Variants in ACOX1 observed in about 807,000 individuals in gnomAD.
ACOX1 encodes the protein acyl-CoA oxidase 1.
Under a neutral mutation model 75.5 loss-of-function variants are expected in ACOX1, and 41 were observed. The ratio of observed to expected loss-of-function variants is 0.54; its 90% confidence interval spans 0.42 to 0.70. The LOEUF (loss-of-function observed/expected upper bound fraction) is 0.70. Ranked by LOEUF, ACOX1 falls within the 30% of genes least tolerant of loss-of-function variation. The probability of loss-of-function intolerance (pLI) is 0.00; values close to 1 mark genes in which losing one functional copy is unlikely to be tolerated. For missense variants in ACOX1, 630 were observed against 837.5 expected, an observed-to-expected ratio of 0.75 and a Z score of 3.06; for synonymous variants, 303 against 298.8, an observed-to-expected ratio of 1.01 and a Z score of -0.15.
Position 75,978,904 on chromosome 17 carries a change from G to C in ACOX1, c.109+61C>G, listed in dbSNP as rs2066086955. ...TAGGCCCCACAGCGCCCCTGACTCC[G>C]CATCGAGGGAGTCTCCAGCTTTTCT... On this transcript the variant is annotated intron_variant, in intron 1 of 13. Coordinates refer to ENST00000293217, the MANE Select transcript of ACOX1 (RefSeq NM_004035.7). The surrounding 1 kb of genome is among the most constrained non-coding windows in gnomAD (Gnocchi z 4.2). The C allele has an allele frequency of 6.2e-7, 1 of 1,602,640 alleles. No homozygotes were observed. The highest frequency in any genetic ancestry group is 1.3e-5 in the African/African-American group (1 of 74,738).
intron 7 of ACOX1, among the ~76,000 whole-genome samples, chr17:75,951,808 CTTTTTT>C (rs1029666749): frequency 1.3e-4 from 10 of 77,428 alleles, no homozygotes; most frequent in Non-Finnish European, 2.0e-4. Flanking sequence ...TAAATTGAGG[CTTTTTT>C]TTTTTTTTTT....
rs768835964 is a variant in ACOX1 at position 75,946,786 on chromosome 17, A to AT, written c.1944dup (p.Ser649IlefsTer73). 1 of 1,613,756 alleles carries AT rather than the reference A, an allele frequency of 6.2e-7. No individual in the cohort carries two copies. The highest frequency in any genetic ancestry group is 1.3e-5 in the African/African-American group (1 of 74,932). On this transcript the variant is annotated frameshift_variant, in exon 14 of 14. Transcript: ENST00000293217. LOFTEE classifies it high-confidence loss of function. Reference sequence around the variant, plus strand: ...TGCAGTGACTTCAGGTGCTTGTAAGATTCGTGGACCTGTGGGGAAAGGAGA... The same window carrying AT: ...TGCAGTGACTTCAGGTGCTTGTAAGATTTCGTGGACCTGTGGGGAAAGGAGA...
chr17:75,963,316 CT>C (rs928657649), intron 2 of ACOX1, among the ~76,000 whole-genome samples: 5 of 151,998 alleles, frequency 3.3e-5, no homozygotes, highest in South Asian at 2.1e-4. Flanking sequence ...CTTGTACCCC[CT>C]AAACCTATTT....
chr17:75,970,031 A>G (rs2092066031), intron 2 of ACOX1, among the ~76,000 whole-genome samples: 3 of 151,846 alleles, frequency 2.0e-5, no homozygotes, highest in Non-Finnish European at 4.4e-5. Context: ...CTAAAAATAT[A>G]AATATTAGCC....
At chr17:75,959,051 T>G (rs1306858368) in intron 3 of ACOX1, among the ~76,000 whole-genome samples, 1 of 152,128 alleles carries the variant, frequency 6.6e-6, no homozygotes, top group Non-Finnish European at 1.5e-5. Context: ...ATATCAAAAT[T>G]ATTTGAAAAG....
At chr17:75,953,715 G>T in intron 6 of ACOX1, 95 bp from the exon 7 acceptor site, 1 of 1,390,688 alleles carries the variant, frequency 7.2e-7, no homozygotes, top group Non-Finnish European at 1.0e-6. Flanking sequence ...AGCAGCATCA[G>T]CATCACCTGG....
chr17:75,953,262 A>G (rs2065790799), intron 7 of ACOX1, 189 bp downstream of exon 7: 3 of 592,664 alleles, frequency 5.1e-6, no homozygotes, highest in Admixed American at 5.5e-5. Context: ...TGATTATAGC[A>G]AGGGTGGTTA....
At chr17:75,951,075 G>A in intron 8 of ACOX1, 111 bp from the exon 9 acceptor site, 6 of 1,128,604 alleles carry the variant, frequency 5.3e-6, no homozygotes, top group Non-Finnish European at 7.8e-6. Flanking sequence ...AAACACAGCT[G>A]CCACACATGC....
intron 3 of ACOX1, among the ~76,000 whole-genome samples, chr17:75,957,808 T>G (rs2065847411): frequency 3.3e-5 from 5 of 152,232 alleles, no homozygotes; most frequent in Admixed American, 3.3e-4. Context: ...CTGTATTTGA[T>G]TTGTTACATT....
chr17:75,953,680 G>T, intron 6 of ACOX1, 60 bp from the exon 7 acceptor site: 1 of 1,597,004 alleles, frequency 6.3e-7, no homozygotes, highest in Non-Finnish European at 8.6e-7. Flanking sequence ...CAGTTCAGTG[G>T]TTCTCAAAGT....
intron 2 of ACOX1, among the ~76,000 whole-genome samples, chr17:75,961,247 A>G (rs1183072780): frequency 6.6e-6 from 1 of 150,912 alleles, no homozygotes; most frequent in Non-Finnish European, 1.5e-5. Context: ...GAGCTAAGAT[A>G]ACACCACTGC....
At chr17:75,973,816 C>G (rs200746349) in intron 2 of ACOX1, 2 of 1,612,568 alleles carry the variant, frequency 1.2e-6, no homozygotes, top group East Asian at 4.5e-5. Context: ...GGATCTCAGC[C>G]TTCCTTTAGA....
chr17:75,967,708 A>G (rs1004333108), intron 2 of ACOX1, among the ~76,000 whole-genome samples: 1,568 of 134,194 alleles, frequency 0.012, 54 homozygotes, highest in East Asian at 0.067. Context: ...ATATATATAC[A>G]TATATATATA....
chr17:75,957,440 T>C lies in ACOX1; in HGVS notation c.538+19A>G, dbSNP rs534715630. The C allele has an allele frequency of 1.3e-6, 2 of 1,587,974 alleles. No homozygotes were observed. Among genetic ancestry groups the C allele is most frequent in the South Asian group, 2.2e-5 (2 of 90,572 alleles). ...ACAAACCTTCAAAACATCCAATAAA[T>C]GCTGAAAAATTCACTTACGCCCACC... On this transcript the variant is annotated intron_variant, in intron 4 of 13. Transcript: ENST00000293217.
Position 75,955,821 on chromosome 17 carries a change from T to G in ACOX1, c.658+7A>C. 1 of 1,614,158 alleles carries G rather than the reference T, an allele frequency of 6.2e-7. No individual in the cohort carries two copies. The highest frequency in any genetic ancestry group is 8.5e-7 in the Non-Finnish European group (1 of 1,180,022). On this transcript the variant is annotated splice_region_variant and intron_variant, in intron 5 of 13. Transcript: ENST00000293217. ...TTTCATCTCAACATCAGATGAACAGTTCTTACCTGGCAAAGGCTTATGGGT... is the reference window on the plus strand; with the variant it reads ...TTTCATCTCAACATCAGATGAACAGGTCTTACCTGGCAAAGGCTTATGGGT...
At chr17:75,948,800 C>T (rs954102207) in intron 12 of ACOX1, among the ~76,000 whole-genome samples, 1 of 151,384 alleles carries the variant, frequency 6.6e-6, no homozygotes, top group Non-Finnish European at 1.5e-5. Context: ...GTGATCTGCC[C>T]GCCTTGGCCA....
Position 75,949,250 on chromosome 17 carries a change from A to T in ACOX1, c.1695T>A (p.Tyr565Ter). The T allele has an allele frequency of 6.2e-7, 1 of 1,614,248 alleles. No homozygotes were observed. The highest frequency in any genetic ancestry group is 8.5e-7 in the Non-Finnish European group (1 of 1,180,042). The change falls in exon 12 of 14, where the codon TAT becomes TAA. Residue 565 changes from tyrosine (Y) to a stop codon, truncating the protein, a stop_gained. Transcript: ENST00000293217. LOFTEE classifies it high-confidence loss of function. ...AATCCCCCGCGTTCTGACTGATTCC[A>T]TACAGAGAATACAGCAGACATAAAC... ...LRSLCLLYSL[Y>*]GISQNAGDFL...
rs1466419887 is a variant in ACOX1, at chr17:75,957,458, C to T, written c.538+1G>A. On this transcript the variant is annotated splice_donor_variant, in intron 4 of 13. Coordinates refer to ENST00000293217, the MANE Select transcript of ACOX1 (RefSeq NM_004035.7). LOFTEE classifies it high-confidence loss of function. ...CAATAAATGCTGAAAAATTCACTTACGCCCACCAGGCCACCATTTAATGGA... is the reference window on the plus strand; with the variant it reads ...CAATAAATGCTGAAAAATTCACTTATGCCCACCAGGCCACCATTTAATGGA... The T allele has an allele frequency of 4.3e-6, 7 of 1,611,450 alleles. No individual in the cohort carries two copies. Among genetic ancestry groups the T allele is most frequent in the East Asian group, 2.2e-5 (1 of 44,874 alleles).
chr17:75,965,935 G>C (rs1287129200), intron 2 of ACOX1, among the ~76,000 whole-genome samples: 1 of 151,880 alleles, frequency 6.6e-6, no homozygotes, highest in South Asian at 2.1e-4. Context: ...TTCGAGACCA[G>C]CCTGGCCAAC....
Sources: gnomAD v4.1 joint callset for allele counts (sites outside exome capture counted in the v4.1 genomes callset) on GRCh38, gnomAD v4.1.1 for gene constraint, Gnocchi (gnomAD v3.1) non-coding constraint, MANE v1.5 for transcripts, NCBI Gene and HGNC (gene_info 2026-07-23, HGNC 2026-07-21) for gene names.